The following HECTD4 variants were observed in gnomAD, a reference collection of about 807,000 sequenced individuals.
HECTD4 encodes the protein probable E3 ubiquitin-protein ligase HECTD4.
A neutral mutation model predicts 471.5 loss-of-function variants in HECTD4; 114 were observed. The ratio of observed to expected loss-of-function variants is 0.24; its 90% CI spans 0.21 to 0.28. The LOEUF (loss-of-function observed/expected upper bound fraction) is 0.28. Ranked by LOEUF, HECTD4 falls within the 10% of genes least tolerant of loss-of-function variation. The probability of loss-of-function intolerance (pLI) is 1.00; values close to 1 mark genes in which losing one functional copy is unlikely to be tolerated. For synonymous variants in HECTD4, 2,012 were observed against 2,256.0 expected (o/e 0.89, Z 3.07); for missense variants, 3,866 against 5,651.5 (o/e 0.68, Z 10.13).
intron 66 of HECTD4, among the ~76,000 whole-genome samples, chr12:112,175,504 G>A (rs1363512129): frequency 6.6e-6 from 1 of 152,230 alleles, no homozygotes; most frequent in Non-Finnish European, 1.5e-5. Context: ...TGTCACGGCA[G>A]CCCAAGCTGA....
At position 112,212,295 on chromosome 12, in the gene HECTD4, G is replaced by A. The variant is rs905898438; in HGVS notation, c.7629+192C>T. Among the ~76,000 whole-genome samples the A allele has an allele frequency of 6.7e-4, 102 of 152,200 alleles. 3 individuals are homozygous for A. Among genetic ancestry groups the A allele is most frequent in the Non-Finnish European group, 4.4e-5 (3 of 68,036 alleles). ...AGCACTAAGTTCCTGATATAGCATT[G>A]TTCAAGCTAAGACTGTGGGGTCAAC... On this transcript the variant is annotated intron_variant, in intron 49 of 75. Transcript: ENST00000682272.
chr12:112,235,601 A>T lies in HECTD4; in HGVS notation c.5628T>A (p.Ser1876=). Residue 1876 remains serine (S), a synonymous_variant, in exon 36 of 76, where the codon TCT becomes TCA. Coordinates refer to ENST00000682272, the MANE Select transcript of HECTD4 (RefSeq NM_001388303.1). This position sits in a 1 kb window ranked among gnomAD's most constrained non-coding sequence, Gnocchi z 5.0. ...GNVELPPWSY[S]VPSLNSEQED... is the part of the protein sequence containing the mutation. ...CCTGCTCACTGTTTAAGGAGGGGACAGAGTAGCTCCAGGGTGGGAGCTCCA... is the reference window on the plus strand; with the variant it reads ...CCTGCTCACTGTTTAAGGAGGGGACTGAGTAGCTCCAGGGTGGGAGCTCCA... 2 of 1,614,062 alleles carry T rather than the reference A, an allele frequency of 1.2e-6. No homozygotes were observed. The highest frequency in any genetic ancestry group is 1.7e-6 in the Non-Finnish European group (2 of 1,179,890).
intron 1 of HECTD4, among the ~76,000 whole-genome samples, chr12:112,331,413 C>T (rs2035843018): frequency 6.6e-6 from 1 of 152,104 alleles, no homozygotes; most frequent in African/African-American, 2.4e-5. Flanking sequence ...CAATGTGCAG[C>T]CAAGATTTCA....
Position 112,228,578 on chromosome 12 carries a change from G to T in HECTD4, c.6684+69C>A. 1 of 1,360,276 alleles carries T rather than the reference G, an allele frequency of 7.4e-7. No homozygotes were observed. The highest frequency in any genetic ancestry group is 1.0e-6 in the Non-Finnish European group (1 of 991,072). 84.3% of individuals were successfully genotyped at this position (1,360,276 alleles called of 1,614,324 possible). Reference sequence around the variant, plus strand: ...GCATTTGTGCTTCTGCACTGAGCATGTGCATAGACTCATTACAGTACAGTT... The same window carrying T: ...GCATTTGTGCTTCTGCACTGAGCATTTGCATAGACTCATTACAGTACAGTT... On this transcript the variant is annotated intron_variant, in intron 42 of 75. Transcript: ENST00000682272. This position sits in a 1 kb window ranked among gnomAD's most constrained non-coding sequence, Gnocchi z 4.9.
intron 1 of HECTD4, among the ~76,000 whole-genome samples, chr12:112,357,686 A>G (rs1403753668): frequency 6.6e-6 from 1 of 152,246 alleles, no homozygotes; most frequent in Non-Finnish European, 1.5e-5. Flanking sequence ...GTAATACATA[A>G]AAGACTTATA....
chr12:112,313,241 T>G (rs1311736859), intron 3 of HECTD4, 94 bp from the exon 4 acceptor site: 3 of 903,658 alleles, frequency 3.3e-6, no homozygotes, highest in Non-Finnish European at 4.7e-6. Context: ...AACCAAAATT[T>G]TAAAACTAAG....
intron 72 of HECTD4, 61 bp downstream of exon 72, chr12:112,167,256 A>T: frequency 6.8e-7 from 1 of 1,463,636 alleles, no homozygotes; most frequent in Non-Finnish European, 9.4e-7. Context: ...ATGGAGGCCT[A>T]AGCAAGGTGG....
At chr12:112,324,066 C>T (rs1160682451) in intron 1 of HECTD4, among the ~76,000 whole-genome samples, 1 of 78,450 alleles carries the variant, frequency 1.3e-5, no homozygotes, top group Admixed American at 1.6e-4. Flanking sequence ...TTCTTTCTTT[C>T]TTTCTTTCTT....
intron 7 of HECTD4, among the ~76,000 whole-genome samples, chr12:112,300,257 G>A (rs2035135545): frequency 6.8e-6 from 1 of 147,102 alleles, no homozygotes; most frequent in Non-Finnish European, 1.5e-5. Context: ...TGCAGTGAGC[G>A]AGATCATGCC....
rs1362834206 is a variant in HECTD4 at position 112,273,734 on chromosome 12, C to T, written c.1863G>A (p.Gln621=). ...LWTCSNDYID[Q]WCNPGNQAFH... ...AGGCTTGATTCCCAGGGTTACACCA[C>T]TGATCGATATAGTCATTTGAGCATG... The change falls in exon 11 of 76, where the codon CAG becomes CAA. Residue 621 remains glutamine, a synonymous_variant. Transcript: ENST00000682272. 3 of 1,613,908 alleles carry T rather than the reference C, an allele frequency of 1.9e-6. No homozygotes were observed. In the African/African-American group the frequency reaches 4.0e-5, roughly 22 times the overall value.
rs777971882 is a variant in HECTD4, at chr12:112,185,458, C to A, written c.9508G>T (p.Val3170Leu). ...FLWTTDMAAC[V>L]KELVFHLLAE... Reference sequence around the variant, plus strand: ...AGGAGATGGAAAACAAGCTCCTTCACGCAGGCTGCCATGTCCGTGGTCCAC... The same window carrying A: ...AGGAGATGGAAAACAAGCTCCTTCAAGCAGGCTGCCATGTCCGTGGTCCAC... The change falls in exon 61 of 76, where the codon GTG becomes TTG. Residue 3170 changes from valine to leucine, a missense_variant. By Grantham distance (32) the Val-to-Leu change is conservative (BLOSUM62 1). Transcript: ENST00000682272. 8 of 1,568,688 alleles carry A rather than the reference C, an allele frequency of 5.1e-6. No homozygotes were observed. The highest frequency in any genetic ancestry group is 3.8e-5 in the Admixed American group (2 of 52,620).
At chr12:112,263,248 T>C (rs1007176627) in intron 17 of HECTD4, among the ~76,000 whole-genome samples, 1 of 152,230 alleles carries the variant, frequency 6.6e-6, no homozygotes, top group Admixed American at 6.5e-5. Flanking sequence ...GTACAAACTA[T>C]CAGATGTATT....
At chr12:112,340,676 T>C (rs2036039071) in intron 1 of HECTD4, among the ~76,000 whole-genome samples, 1 of 152,160 alleles carries the variant, frequency 6.6e-6, no homozygotes. Context: ...GACCCCTTGA[T>C]AGAGTGTGTG....
rs2030653020 is a variant in HECTD4 at position 112,160,499 on chromosome 12, C to T, written c.*1888G>A. 1 of 152,118 alleles carries T rather than the reference C, an allele frequency of 6.6e-6. No homozygotes were observed. Among genetic ancestry groups the T allele is most frequent in the African/African-American group, 2.4e-5 (1 of 41,426 alleles). The allele number at this position is 152,118 out of a possible 1,614,324, so 9.4% of individuals were successfully genotyped here. ...CATTTTTTAGGGCCAAGGTTTGGAT[C>T]TGTCTGGACCTCAATGTGCTCTCGG... On this transcript the variant is annotated 3_prime_UTR_variant, in exon 76 of 76. Coordinates refer to ENST00000682272, the MANE Select transcript of HECTD4 (RefSeq NM_001388303.1).
Position 112,162,658 on chromosome 12 carries a change from G to T in HECTD4, c.13121-135C>A, listed in dbSNP as rs1249323131. ...CAATCCTGGGGCCCAGCAGGAGGGGGATGAGGGCCTGGGAACCTGCGAGAT... is the reference window on the plus strand; with the variant it reads ...CAATCCTGGGGCCCAGCAGGAGGGGTATGAGGGCCTGGGAACCTGCGAGAT... On this transcript the variant is annotated intron_variant, in intron 75 of 75. Coordinates refer to ENST00000682272, the MANE Select transcript of HECTD4 (RefSeq NM_001388303.1). This position sits in a 1 kb window ranked among gnomAD's most constrained non-coding sequence, Gnocchi z 5.2. 2.0e-6 allele frequency: 2 copies of T among 1,025,132 alleles called. No homozygotes were observed. Among genetic ancestry groups the T allele is most frequent in the Non-Finnish European group, 2.9e-6 (2 of 698,992 alleles). 63.5% of individuals were successfully genotyped at this position (1,025,132 alleles called of 1,614,324 possible).
At position 112,184,894 on chromosome 12, in the gene HECTD4, G is replaced by C. The variant is rs1326566845; in HGVS notation, c.10072C>G (p.Leu3358Val). Residue 3358 changes from leucine to valine, a missense_variant, in exon 61 of 76, where the codon CTC (leucine) becomes GTC (valine). Coordinates refer to ENST00000682272, the MANE Select transcript of HECTD4 (RefSeq NM_001388303.1). The surrounding 1 kb of genome is among the most constrained non-coding windows in gnomAD (Gnocchi z 9.1). ...PEDMLWFHRALTLLIILRHLT... is the reference protein window; with the variant it reads ...PEDMLWFHRAVTLLIILRHLT... The stretch of plus-strand genomic sequence containing the variant: ...TGGCGGAGGATGATGAGCAGGGTGA[G>C]TGCGCGGTGGAACCACAGCATGTCC... The C allele has an allele frequency of 6.2e-7, 1 of 1,612,800 alleles. No homozygotes were observed. The highest frequency in any genetic ancestry group is 2.2e-5 in the East Asian group (1 of 44,852).
chr12:112,189,130 T>C (rs2031987950), intron 60 of HECTD4, among the ~76,000 whole-genome samples: 2 of 152,272 alleles, frequency 1.3e-5, no homozygotes, highest in South Asian at 4.1e-4. Context: ...AAGTGCTGGA[T>C]CATAGGTGTG....
chr12:112,173,150 G>A lies in HECTD4; in HGVS notation c.11595-289C>T, dbSNP rs1329096482. Among the ~76,000 whole-genome samples, 1 of 152,180 alleles carries A rather than the reference G, an allele frequency of 6.6e-6. No individual in the cohort carries two copies. ...TGTGTCGGCAGCAGCACGTGAGGGT[G>A]AAGGAGGAGCTCCTAATAGCATCAG... On this transcript the variant is annotated intron_variant, in intron 66 of 75. Transcript: ENST00000682272. This position sits in a 1 kb window ranked among gnomAD's most constrained non-coding sequence, Gnocchi z 4.3.
chr12:112,338,225 C>T (rs2035993294), intron 1 of HECTD4, among the ~76,000 whole-genome samples: 1 of 152,188 alleles, frequency 6.6e-6, no homozygotes, highest in African/African-American at 2.4e-5. Flanking sequence ...TCTCTCTCTG[C>T]CTCTGTCTTA....
Sources: allele counts gnomAD v4.1 joint callset (sites outside exome capture counted in the v4.1 genomes callset), GRCh38; gene constraint gnomAD v4.1.1; non-coding constraint Gnocchi (gnomAD v3.1); transcripts MANE v1.5; gene names NCBI Gene and HGNC (gene_info 2026-07-23, HGNC 2026-07-21).